The following CALN1 variants were observed in gnomAD, a reference collection of about 807,000 sequenced individuals.
CALN1 encodes calneuron 1.
Under a neutral mutation model 30.6 loss-of-function variants are expected in CALN1, and 17 were observed. The observed-to-expected ratio is 0.56, with a 90% confidence interval of 0.38 to 0.83. The LOEUF (loss-of-function observed/expected upper bound fraction) is 0.83. Ranked by LOEUF, CALN1 falls within the 40% of genes least tolerant of loss-of-function variation. CALN1 has a pLI of 0.00. For missense variants in CALN1, 291 were observed against 354.9 expected, an observed-to-expected ratio of 0.82 and a Z score of 1.45; for synonymous variants, 156 against 131.4, an observed-to-expected ratio of 1.19 and a Z score of -1.28.
rs1804823781 is a variant in CALN1, at chr7:72,380,505, TC to T, written c.119+22745del. On this transcript the variant is annotated intron_variant, in intron 2 of 6. Transcript: ENST00000395275. ...GAGCATGGTGGTGCGCATCTGTAGT[TC>T]CAGCTGCTCAGGAGGCTGAGGCAGG... Among the ~76,000 whole-genome samples the T allele has an allele frequency of 2.0e-5, 3 of 152,118 alleles. No individual in the cohort carries two copies. The South Asian group carries it at 6.2e-4, about 31-fold the overall frequency.
At chr7:72,504,148 C>T in the CALN1 span, among the ~76,000 whole-genome samples, 4 of 152,296 alleles carry the variant, frequency 2.6e-5, no homozygotes, top group African/African-American at 7.2e-5. Context: ...GGCTGAGAAT[C>T]CCACCGCATA....
At chr7:72,332,691 T>C (rs1801755987) in intron 2 of CALN1, among the ~76,000 whole-genome samples, 1 of 152,210 alleles carries the variant, frequency 6.6e-6, no homozygotes, top group Non-Finnish European at 1.5e-5. Context: ...TTCTTAATCC[T>C]GTGAGTTTCC....
At chr7:71,923,047 A>G (rs770938740) in intron 5 of CALN1, among the ~76,000 whole-genome samples, 1 of 151,680 alleles carries the variant, frequency 6.6e-6, no homozygotes, top group Admixed American at 6.6e-5. Context: ...ACTATACTAT[A>G]CAGCCAGCAC....
chr7:72,390,822 G>A (rs1000878482), intron 2 of CALN1, among the ~76,000 whole-genome samples: 2 of 152,118 alleles, frequency 1.3e-5, no homozygotes, highest in Non-Finnish European at 2.9e-5. Flanking sequence ...CAACACATTT[G>A]TTCTGTTTAG....
At chr7:72,267,679 TC>T (rs567773991) in intron 3 of CALN1, among the ~76,000 whole-genome samples, 117 of 152,308 alleles carry the variant, frequency 7.7e-4, no homozygotes, top group Non-Finnish European at 1.4e-3. Flanking sequence ...TTATTTAACT[TC>T]TGGATTTTTC....
chr7:72,406,759 G>A (rs573894059), intron 1 of CALN1, among the ~76,000 whole-genome samples: 1 of 152,184 alleles, frequency 6.6e-6, no homozygotes, highest in South Asian at 2.1e-4. Context: ...TGGGATTACA[G>A]GTGCACACCA....
Position 71,787,658 on chromosome 7 carries a change from A to G in CALN1, c.*117T>C, listed in dbSNP as rs952828961. 1.4e-6 allele frequency: 2 copies of G among 1,428,264 alleles called. No individual in the cohort carries two copies. Among genetic ancestry groups the G allele is most frequent in the African/African-American group, 2.8e-5 (2 of 71,114 alleles). 88.5% of individuals were successfully genotyped at this position (1,428,264 alleles called of 1,614,324 possible). On this transcript the variant is annotated 3_prime_UTR_variant, in exon 7 of 7. Coordinates refer to ENST00000395275, the MANE Select transcript of CALN1 (RefSeq NM_031468.4). ...CTTGGGTTCTTTACTGAACGGTTCCATCGTCCGCATCCATCCATAGTCCAT... is the reference window on the plus strand; with the variant it reads ...CTTGGGTTCTTTACTGAACGGTTCCGTCGTCCGCATCCATCCATAGTCCAT...
At chr7:72,127,885 A>C (rs1339568837) in intron 3 of CALN1, among the ~76,000 whole-genome samples, 1 of 152,182 alleles carries the variant, frequency 6.6e-6, no homozygotes, top group Non-Finnish European at 1.5e-5. Flanking sequence ...ATTATGAGAA[A>C]TATGCTGATT....
intron 6 of CALN1, among the ~76,000 whole-genome samples, chr7:71,807,171 C>T (rs1279608551): frequency 6.6e-6 from 1 of 152,168 alleles, no homozygotes; most frequent in Non-Finnish European, 1.5e-5. Context: ...GCTGTGCAAT[C>T]AGGTCTTGAT....
chr7:72,148,213 A>G (rs1786922447), intron 3 of CALN1, among the ~76,000 whole-genome samples: 1 of 151,054 alleles, frequency 6.6e-6, no homozygotes, highest in Non-Finnish European at 1.5e-5. Context: ...TGGATCGTGA[A>G]TGGATTGGTG....
intron 2 of CALN1, among the ~76,000 whole-genome samples, chr7:72,329,286 C>T (rs565497453): frequency 4.6e-5 from 7 of 152,346 alleles, no homozygotes; most frequent in African/African-American, 1.7e-4. Context: ...TTTTATTTTA[C>T]ACTCTGATGG....
At chr7:72,272,406 A>G (rs1797057939) in intron 3 of CALN1, among the ~76,000 whole-genome samples, 1 of 151,990 alleles carries the variant, frequency 6.6e-6, no homozygotes, top group Non-Finnish European at 1.5e-5. Context: ...TACCAAAAAT[A>G]CAAAAATTAG....
intron 3 of CALN1, among the ~76,000 whole-genome samples, chr7:72,148,643 G>T (rs1192051023): frequency 6.7e-6 from 1 of 150,242 alleles, no homozygotes. Flanking sequence ...GGTGGCTCAC[G>T]CCTGTAATCC....
chr7:72,212,908 G>C (rs959046310), intron 3 of CALN1, among the ~76,000 whole-genome samples: 25 of 152,180 alleles, frequency 1.6e-4, no homozygotes, highest in African/African-American at 6.0e-4. Context: ...ACACAAAACT[G>C]CTTGTGGGCC....
chr7:72,354,962 T>C lies in CALN1; in HGVS notation c.119+48289A>G, dbSNP rs1331296934. On this transcript the variant is annotated intron_variant, in intron 2 of 6. Coordinates refer to ENST00000395275, the MANE Select transcript of CALN1 (RefSeq NM_031468.4). ...TCTCGCTTTGTCGCCAAAGCTGGAG[T>C]GCAGTGGCACAATCACAGCTCACTG... is the stretch of plus-strand genomic sequence containing the variant. Among the ~76,000 whole-genome samples, 3 of 151,378 alleles carry C rather than the reference T, an allele frequency of 2.0e-5. No homozygotes were observed. In the East Asian group the frequency reaches 5.8e-4, roughly 29 times the overall value.
intron 2 of CALN1, among the ~76,000 whole-genome samples, chr7:72,395,273 C>A (rs1448524968): frequency 1.3e-5 from 2 of 152,142 alleles, no homozygotes; most frequent in Non-Finnish European, 2.9e-5. Context: ...AAGAACTAGG[C>A]ATGTCCCCGG....
At chr7:71,949,681 T>C (rs983794493) in intron 5 of CALN1, among the ~76,000 whole-genome samples, 1 of 151,814 alleles carries the variant, frequency 6.6e-6, no homozygotes, top group Non-Finnish European at 1.5e-5. Flanking sequence ...AACCCAGCCT[T>C]AGAGGGTATT....
intron 4 of CALN1, among the ~76,000 whole-genome samples, chr7:72,050,044 C>T (rs1211238683): frequency 6.6e-6 from 1 of 151,632 alleles, no homozygotes; most frequent in Admixed American, 6.6e-5. Context: ...GTCTTGAACT[C>T]CTGACCACAA....
chr7:72,247,552 C>G (rs13237418), intron 3 of CALN1, among the ~76,000 whole-genome samples: 54,285 of 151,864 alleles, frequency 0.36, 10,664 homozygotes, highest in Middle Eastern at 0.55. Flanking sequence ...ACCGTGCCCG[C>G]CCTCAACAGG....
Sources: gnomAD v4.1 joint callset for allele counts (sites outside exome capture counted in the v4.1 genomes callset) on GRCh38, gnomAD v4.1.1 for gene constraint, MANE v1.5 for transcripts, NCBI Gene and HGNC (gene_info 2026-07-23, HGNC 2026-07-21) for gene names.